STAB2: variants seen among roughly 807,000 people sequenced by gnomAD.
STAB2 encodes stabilin 2, also known as stabilin-2.
A neutral mutation model predicts 338.1 loss-of-function variants in STAB2; 288 were observed. The ratio of observed to expected loss-of-function variants is 0.85; its 90% confidence interval spans 0.77 to 0.94. The LOEUF (loss-of-function observed/expected upper bound fraction) is 0.94. STAB2 is among the 40% of genes least tolerant of loss of function. The probability of loss-of-function intolerance (pLI) is 0.00; values close to 1 mark genes in which losing one functional copy is unlikely to be tolerated. For missense variants in STAB2, 3,141 were observed against 3,210.1 expected (o/e 0.98, Z 0.52); for synonymous variants, 1,202 against 1,193.3 (o/e 1.01, Z -0.15).
At chr12:103,760,347 C>CT (rs1174391125) in intron 65 of STAB2, among the ~76,000 whole-genome samples, 9 of 152,074 alleles carry the variant, frequency 5.9e-5, no homozygotes, top group African/African-American at 2.2e-4. Flanking sequence ...TGCAACCTCC[C>CT]CCTCCTGGAT....
chr12:103,765,269 A>G (rs965987962), intron 68 of STAB2, among the ~76,000 whole-genome samples: 3 of 152,160 alleles, frequency 2.0e-5, no homozygotes, highest in African/African-American at 7.2e-5. Context: ...TATCAGCACC[A>G]TGCATGAAAG....
intron 35 of STAB2, among the ~76,000 whole-genome samples, chr12:103,703,802 C>T (rs77260456): frequency 6.6e-5 from 10 of 152,286 alleles, no homozygotes; most frequent in African/African-American, 1.2e-4. Flanking sequence ...TAACCACTGA[C>T]GTTTATCGGA....
chr12:103,642,076 T>G (rs1177029253), intron 9 of STAB2, among the ~76,000 whole-genome samples: 1 of 152,186 alleles, frequency 6.6e-6, no homozygotes, highest in Non-Finnish European at 1.5e-5. Flanking sequence ...TGGGGTGACC[T>G]TAGGCAAGAC....
At chr12:103,765,838 G>A (rs564310042) in intron 68 of STAB2, among the ~76,000 whole-genome samples, 2 of 152,278 alleles carry the variant, frequency 1.3e-5, no homozygotes, top group East Asian at 1.9e-4. Flanking sequence ...CACCATGCCC[G>A]GCTGAGCGGG....
intron 5 of STAB2, among the ~76,000 whole-genome samples, chr12:103,629,711 C>T (rs980976459): frequency 2.0e-5 from 3 of 152,206 alleles, no homozygotes; most frequent in African/African-American, 4.8e-5. Context: ...TGGGCCAACC[C>T]CACTTTATCT....
At position 103,706,980 on chromosome 12, in the gene STAB2, T is replaced by C; in HGVS notation, c.4185T>C (p.Cys1395=). ...CCGAGGGCAAGTACGGCATCCACTG[T>C]GACCAAGGTGAGCACCGTCCTCTCC... The part of the protein sequence containing the change: ...TCTEGKYGIH[C]DQACSCVHGR... The change falls in exon 38 of 69, where the codon TGT becomes TGC. Residue 1395 remains cysteine, a synonymous_variant. Coordinates refer to ENST00000388887, the MANE Select transcript of STAB2 (RefSeq NM_017564.10). 1 of 1,614,138 alleles carries C rather than the reference T, an allele frequency of 6.2e-7. No individual in the cohort carries two copies. Among genetic ancestry groups the C allele is most frequent in the Non-Finnish European group, 8.5e-7 (1 of 1,180,012 alleles).
Position 103,695,586 on chromosome 12 carries a change from C to T in STAB2, c.3412C>T (p.Pro1138Ser), listed in dbSNP as rs765524884. The T allele has an allele frequency of 6.2e-7, 1 of 1,614,142 alleles. No individual in the cohort carries two copies. The highest frequency in any genetic ancestry group is 1.3e-5 in the African/African-American group (1 of 75,022). Residue 1138 changes from proline (P) to serine (S), a missense_variant, in exon 32 of 69, where the codon CCA becomes TCA. Coordinates refer to ENST00000388887, the MANE Select transcript of STAB2 (RefSeq NM_017564.10). ...ACAAAGACGTCTAACTGGCTCCTTA[C>T]CAAACCTGCTCATGCGGCTGGAACA... ...VPQRRLTGSL[P>S]NLLMRLEQMP... is the part of the protein sequence containing the mutation.
Position 103,715,876 on chromosome 12 carries a change from A to C in STAB2, c.4599A>C (p.Thr1533=), listed in dbSNP as rs746409229. Residue 1533 remains threonine, a synonymous_variant, in exon 43 of 69, where the codon ACA becomes ACC. Transcript: ENST00000388887. ...GCDKNAECTQ[T]GPNQAACNCL... is the part of the protein sequence containing the mutation. ...ACAAGAATGCGGAGTGCACACAGAC[A>C]GGACCCAACCAGGTGAGTGCCACCT... is the stretch of plus-strand genomic sequence containing the variant. The C allele has an allele frequency of 1.1e-5, 17 of 1,613,956 alleles. No individual in the cohort carries two copies. Among genetic ancestry groups the C allele is most frequent in the South Asian group, 8.8e-5 (8 of 91,082 alleles).
chr12:103,590,028 G>A (rs1956772081), intron 1 of STAB2, among the ~76,000 whole-genome samples: 2 of 152,048 alleles, frequency 1.3e-5, no homozygotes, highest in Non-Finnish European at 2.9e-5. Context: ...GTCTCTCTTT[G>A]TTGTACAAAG....
chr12:103,640,383 A>G, intron 9 of STAB2, 127 bp downstream of exon 9: 1 of 1,204,104 alleles, frequency 8.3e-7, no homozygotes. Flanking sequence ...CACCCCACAT[A>G]GTAGGAGCAA....
intron 37 of STAB2, 55 bp downstream of exon 37, chr12:103,705,782 T>C: frequency 1.3e-6 from 2 of 1,526,730 alleles, no homozygotes; most frequent in Non-Finnish European, 1.8e-6. Context: ...GGAAAATCCA[T>C]CATATGGTAT....
intron 35 of STAB2, 145 bp from the exon 36 acceptor site, chr12:103,704,413 A>T (rs2138971971): frequency 1.5e-6 from 1 of 653,618 alleles, no homozygotes; most frequent in South Asian, 2.1e-5. Flanking sequence ...AGAGGAGTTG[A>T]AGTGTTTGTC....
At position 103,587,494 on chromosome 12, in the gene STAB2, A is replaced by G. The variant is rs201082962; in HGVS notation, c.18A>G (p.Leu6=). The change falls in exon 1 of 69, where the codon TTA becomes TTG. Residue 6 remains leucine (L), a synonymous_variant. Transcript: ENST00000388887. ...ATTTCCTCATGATGCTACAACATTT[A>G]GTAATTTTTTGTCTTGGATTGGTTG... is the stretch of plus-strand genomic sequence containing the variant. MMLQH[L]VIFCLGLVVQ... 1.2e-6 allele frequency: 2 copies of G among 1,613,856 alleles called. No individual in the cohort carries two copies. The highest frequency in any genetic ancestry group is 1.3e-5 in the African/African-American group (1 of 74,924).
intron 27 of STAB2, among the ~76,000 whole-genome samples, chr12:103,686,744 C>T (rs1466415962): frequency 4.6e-5 from 7 of 152,176 alleles, no homozygotes; most frequent in Non-Finnish European, 8.8e-5. Flanking sequence ...TCACATACCT[C>T]GGCCTCTGAA....
chr12:103,650,665 C>T, intron 11 of STAB2, 87 bp downstream of exon 11: 1 of 1,128,302 alleles, frequency 8.9e-7, no homozygotes, highest in Non-Finnish European at 1.3e-6. Flanking sequence ...GTGGGAAATC[C>T]CCATTAAAAT....
At chr12:103,668,291 G>A (rs1875357705) in intron 19 of STAB2, among the ~76,000 whole-genome samples, 1 of 152,218 alleles carries the variant, frequency 6.6e-6, no homozygotes, top group South Asian at 2.1e-4. Flanking sequence ...AAATGTCTCT[G>A]TAGGAGATCT....
intron 27 of STAB2, among the ~76,000 whole-genome samples, chr12:103,687,836 T>G (rs1324645199): frequency 2.0e-5 from 3 of 152,206 alleles, no homozygotes; most frequent in Admixed American, 1.3e-4. Flanking sequence ...TGACCCCCAC[T>G]TAGCGTCTAG....
intron 1 of STAB2, among the ~76,000 whole-genome samples, chr12:103,588,890 A>G (rs1956754592): frequency 6.6e-6 from 1 of 152,230 alleles, no homozygotes; most frequent in African/African-American, 2.4e-5. Context: ...TTCTAGTGCT[A>G]TTTTGGTTCA....
intron 58 of STAB2, among the ~76,000 whole-genome samples, chr12:103,748,015 G>A (rs1282737284): frequency 1.0e-4 from 15 of 144,976 alleles, no homozygotes; most frequent in African/African-American, 3.7e-4. Context: ...AAAAAAAAAA[G>A]GGAAGAAGAA....
Sources: allele counts gnomAD v4.1 joint callset (sites outside exome capture counted in the v4.1 genomes callset), GRCh38; gene constraint gnomAD v4.1.1; transcripts MANE v1.5; gene names NCBI Gene and HGNC (gene_info 2026-07-23, HGNC 2026-07-21).